BAZ2B: variants seen among roughly 807,000 people sequenced by gnomAD.
BAZ2B encodes bromodomain adjacent to zinc finger domain 2B, also known as bromodomain adjacent to zinc finger domain protein 2B.
In BAZ2B, 91 loss-of-function variants were observed where a neutral mutation model predicts 246.0. That is an observed-to-expected ratio of 0.37 (90% confidence interval 0.31 to 0.44). The LOEUF (loss-of-function observed/expected upper bound fraction) is 0.44, where lower values mean the gene tolerates loss of function less well. Among genes scored for constraint, BAZ2B ranks in the 20% least tolerant of loss-of-function variants. The pLI is 1.00. For missense variants in BAZ2B, 2,332 were observed against 2,533.7 expected, an observed-to-expected ratio of 0.92 and a Z score of 1.71; for synonymous variants, 855 against 860.0, an observed-to-expected ratio of 0.99 and a Z score of 0.10.
intron 1 of BAZ2B, among the ~76,000 whole-genome samples, chr2:159,599,068 A>T (rs1431187416): frequency 6.6e-6 from 1 of 152,044 alleles, no homozygotes; most frequent in African/African-American, 2.4e-5. Flanking sequence ...CATCTCTACT[A>T]AAAATACAAA....
chr2:159,531,521 T>C (rs2085380491), intron 2 of BAZ2B, among the ~76,000 whole-genome samples: 1 of 152,188 alleles, frequency 6.6e-6, no homozygotes, highest in Non-Finnish European at 1.5e-5. Context: ...GACAACTATT[T>C]ATCTACTTTA....
chr2:159,692,639 C>T, the BAZ2B span, among the ~76,000 whole-genome samples: 149 of 152,022 alleles, frequency 9.8e-4, no homozygotes, highest in Admixed American at 1.8e-3. Context: ...TCACTTGAGG[C>T]CAGGAGTTCA....
At chr2:159,571,074 G>C (rs1485692396) in intron 1 of BAZ2B, among the ~76,000 whole-genome samples, 3 of 152,006 alleles carry the variant, frequency 2.0e-5, no homozygotes, top group African/African-American at 7.2e-5. Context: ...GGCTGGTCTT[G>C]AACTCCTGAC....
chr2:159,484,857 CA>C (rs1215884784), intron 2 of BAZ2B, among the ~76,000 whole-genome samples: 1 of 151,980 alleles, frequency 6.6e-6, no homozygotes, highest in Non-Finnish European at 1.5e-5. Context: ...AGTATAGCCA[CA>C]GATTAAAGAT....
intron 23 of BAZ2B, among the ~76,000 whole-genome samples, chr2:159,384,251 A>G (rs2062357505): frequency 6.6e-6 from 1 of 152,074 alleles, no homozygotes; most frequent in African/African-American, 2.4e-5. Flanking sequence ...TGTGTTTTGA[A>G]TAAGTGCCAC....
rs377575727 is a variant in BAZ2B, at chr2:159,475,657, C to T, written c.145+2918G>A. On this transcript the variant is annotated intron_variant, in intron 3 of 36. Coordinates refer to ENST00000392783, the MANE Select transcript of BAZ2B (RefSeq NM_013450.4). ...GTTCCGGTTTTTGGAATTTTCAGCC[C>T]TTTTGCGCTGGTTTTTCCTCATCTT... Among the ~76,000 whole-genome samples the T allele has an allele frequency of 3.3e-4, 50 of 152,220 alleles. 1 individual carries two copies. Among genetic ancestry groups the T allele is most frequent in the African/African-American group, 1.2e-3 (49 of 41,534 alleles).
intron 31 of BAZ2B, among the ~76,000 whole-genome samples, chr2:159,346,867 G>C (rs555168808): frequency 6.6e-6 from 1 of 152,060 alleles, no homozygotes; most frequent in East Asian, 1.9e-4. Flanking sequence ...ATCATTACCT[G>C]TAACATGATA....
intron 3 of BAZ2B, among the ~76,000 whole-genome samples, chr2:159,470,909 A>G (rs1003492886): frequency 6.6e-6 from 1 of 152,126 alleles, no homozygotes; most frequent in Admixed American, 6.5e-5. Context: ...CTCAGAGAGA[A>G]AGTCTGGGCA....
At chr2:159,483,246 G>A (rs911152553) in intron 2 of BAZ2B, among the ~76,000 whole-genome samples, 1 of 152,024 alleles carries the variant, frequency 6.6e-6, no homozygotes, top group Non-Finnish European at 1.5e-5. Context: ...CACCCAGGCT[G>A]GAGTGCAGTG....
chr2:159,626,470 ACT>A, the BAZ2B span, among the ~76,000 whole-genome samples: 1 of 151,984 alleles, frequency 6.6e-6, no homozygotes, highest in Non-Finnish European at 1.5e-5. Flanking sequence ...CATAACAAAC[ACT>A]CTCTCAGACC....
At chr2:159,656,836 G>A in the BAZ2B span, among the ~76,000 whole-genome samples, 2 of 151,888 alleles carry the variant, frequency 1.3e-5, no homozygotes, top group Admixed American at 1.3e-4. Flanking sequence ...TTTTAATCAG[G>A]TTGTCTGTTT....
Position 159,348,995 on chromosome 2 carries a change from C to G in BAZ2B, c.5137+12G>C. On this transcript the variant is annotated intron_variant, in intron 29 of 36. Transcript: ENST00000392783. ...TTGAGTAAGTGGCTGTAAACCATCT[C>G]AATGTACCTACCTTCTGGAATAGGT... 1 of 1,612,434 alleles carries G rather than the reference C, an allele frequency of 6.2e-7. No individual in the cohort carries two copies. Among genetic ancestry groups the G allele is most frequent in the Non-Finnish European group, 8.5e-7 (1 of 1,178,810 alleles).
the BAZ2B span, among the ~76,000 whole-genome samples, chr2:159,666,635 C>T: frequency 3.3e-5 from 5 of 152,198 alleles, no homozygotes; most frequent in Middle Eastern, 3.4e-3. Flanking sequence ...GTGGGTGGAT[C>T]ACTTGATGTC....
intron 28 of BAZ2B, among the ~76,000 whole-genome samples, chr2:159,349,486 G>A (rs564666795): frequency 2.6e-5 from 4 of 152,088 alleles, no homozygotes; most frequent in Admixed American, 1.3e-4. Context: ...CGGATATACC[G>A]TTACAGTAAT....
At chr2:159,376,441 A>C (rs922199650) in intron 25 of BAZ2B, among the ~76,000 whole-genome samples, 2 of 152,200 alleles carry the variant, frequency 1.3e-5, no homozygotes, top group Non-Finnish European at 2.9e-5. Context: ...TTGTACCATT[A>C]TCTCTCATTC....
chr2:159,538,392 T>G (rs1314481744), intron 2 of BAZ2B, among the ~76,000 whole-genome samples: 2 of 152,236 alleles, frequency 1.3e-5, no homozygotes, highest in Non-Finnish European at 2.9e-5. Context: ...CATGTGGTAC[T>G]CTGCATTTAT....
chr2:159,538,649 GCACCCA>G (rs1460583311), intron 2 of BAZ2B, among the ~76,000 whole-genome samples: 2 of 152,116 alleles, frequency 1.3e-5, no homozygotes, highest in African/African-American at 4.8e-5. Context: ...AAAGATCTAG[GCACCCA>G]GTTGAGGACC....
intron 2 of BAZ2B, among the ~76,000 whole-genome samples, chr2:159,514,452 A>C (rs2083240811): frequency 6.6e-6 from 1 of 152,164 alleles, no homozygotes; most frequent in African/African-American, 2.4e-5. Context: ...ACTGCTTTAT[A>C]ATGCTATTGC....
chr2:159,438,807 T>C (rs976118019), intron 7 of BAZ2B, 112 bp from the exon 8 acceptor site: 6 of 1,317,206 alleles, frequency 4.6e-6, no homozygotes, highest in Admixed American at 4.7e-5. Flanking sequence ...TAATGCCTTA[T>C]GATAATATCT....
Sources: gnomAD v4.1 joint callset for allele counts (sites outside exome capture counted in the v4.1 genomes callset) on GRCh38, gnomAD v4.1.1 for gene constraint, MANE v1.5 for transcripts, NCBI Gene and HGNC (gene_info 2026-07-23, HGNC 2026-07-21) for gene names.